The following CNNM1 variants were observed in gnomAD, a reference collection of about 807,000 sequenced individuals.
CNNM1 encodes the protein metal transporter CNNM1.
A neutral mutation model predicts 78.8 loss-of-function variants in CNNM1; 44 were observed. That is an observed-to-expected ratio of 0.56 (90% CI 0.44 to 0.72). The LOEUF is 0.72. Ranked by LOEUF, CNNM1 falls within the 30% of genes least tolerant of loss-of-function variation. The pLI is 0.00. For missense variants in CNNM1, 1,101 were observed against 1,292.2 expected (o/e 0.85, Z 2.27); for synonymous variants, 584 against 581.5 (o/e 1.00, Z -0.06).
At chr10:99,364,836 T>C in intron 5 of CNNM1, 119 bp from the exon 6 acceptor site, 1 of 944,888 alleles carries the variant, frequency 1.1e-6, no homozygotes, top group Non-Finnish European at 1.6e-6. Context: ...CCCTTCCATT[T>C]AATTGCCTGG....
intron 1 of CNNM1, among the ~76,000 whole-genome samples, chr10:99,342,303 T>TA (rs2030490550): frequency 6.6e-6 from 1 of 152,168 alleles, no homozygotes; most frequent in Non-Finnish European, 1.5e-5. Context: ...AGATAATGGG[T>TA]TGTTACTCTG....
intron 3 of CNNM1, 32 bp from the exon 4 acceptor site, chr10:99,362,195 T>C (rs773354925): frequency 1.9e-6 from 3 of 1,574,464 alleles, no homozygotes; most frequent in Admixed American, 1.8e-5. Flanking sequence ...CAGCTGATGC[T>C]GATTCCTCCC....
chr10:99,389,137 C>A (rs373262003), intron 9 of CNNM1, among the ~76,000 whole-genome samples: 4 of 152,070 alleles, frequency 2.6e-5, no homozygotes, highest in Non-Finnish European at 5.9e-5. Context: ...TAAAGTTGGC[C>A]GGGCACGGTG....
In CNNM1 at chr10:99,393,385, C is replaced by A. The variant is rs2032529088; in HGVS notation, c.*1869C>A. The A allele has an allele frequency of 6.6e-6, 1 of 152,620 alleles. No individual in the cohort carries two copies. Among genetic ancestry groups the A allele is most frequent in the Admixed American group, 6.5e-5 (1 of 15,276 alleles). 9.5% of individuals were successfully genotyped at this position (152,620 alleles called of 1,614,324 possible). On this transcript the variant is annotated 3_prime_UTR_variant, in exon 11 of 11. Transcript: ENST00000356713. ...TCACCCCAGGGGGTCCATAGTTGGA[C>A]TTCAGAGGGTCTATGAAACCCCTAA...
At chr10:99,362,077 G>A in intron 3 of CNNM1, 150 bp from the exon 4 acceptor site, 3 of 640,346 alleles carry the variant, frequency 4.7e-6, no homozygotes, top group Non-Finnish European at 7.7e-6. Context: ...CTCCACTCCG[G>A]AGGAACTGCA....
Position 99,329,990 on chromosome 10 carries a change from C to A in CNNM1, c.603C>A (p.Gly201=), listed in dbSNP as rs1262451149. The A allele has an allele frequency of 1.4e-6, 2 of 1,393,192 alleles. No individual in the cohort carries two copies. Among genetic ancestry groups the A allele is most frequent in the African/African-American group, 3.0e-5 (2 of 65,606 alleles). The allele number at this position is 1,393,192 out of a possible 1,614,324, so 86.3% of individuals were successfully genotyped here. A position where few individuals can be genotyped will look rare whatever the true frequency, so the allele number is the denominator to read the frequency against. Residue 201 remains glycine, a synonymous_variant, in exon 1 of 11, where the codon GGC becomes GGA. Coordinates refer to ENST00000356713, the MANE Select transcript of CNNM1 (RefSeq NM_020348.3). Reference sequence around the variant, plus strand: ...CGTGGCACCACCACGGCGCCGCCGGCGGCTTCCTGCTGCGCGTTCGCCCGC... The same window carrying A: ...CGTGGCACCACCACGGCGCCGCCGGAGGCTTCCTGCTGCGCGTTCGCCCGC... ...GRAWHHHGAA[G]GFLLRVRPRL...
intron 6 of CNNM1, among the ~76,000 whole-genome samples, chr10:99,367,887 AC>A (rs1303304464): frequency 2.0e-5 from 3 of 151,852 alleles, no homozygotes; most frequent in African/African-American, 4.8e-5. Context: ...TGTTATACAC[AC>A]TGAACTCTAC....
intron 1 of CNNM1, among the ~76,000 whole-genome samples, chr10:99,351,708 T>C (rs1232729497): frequency 2.6e-5 from 4 of 152,172 alleles, no homozygotes; most frequent in African/African-American, 4.8e-5. Flanking sequence ...CTCCCCTATT[T>C]CTTGTCTCCC....
At chr10:99,345,896 T>C (rs201069859) in intron 1 of CNNM1, among the ~76,000 whole-genome samples, 1 of 152,152 alleles carries the variant, frequency 6.6e-6, no homozygotes, top group East Asian at 1.9e-4. Flanking sequence ...GGTCTTACCA[T>C]GTTGCCCAGG....
rs1472264134 is a variant in CNNM1, at chr10:99,343,433, A to G, written c.1573+12473A>G. Among the ~76,000 whole-genome samples the G allele has an allele frequency of 8.5e-5, 13 of 152,352 alleles. No individual in the cohort carries two copies. The South Asian group carries it at 1.2e-3, about 15-fold the overall frequency. Reference sequence around the variant, plus strand: ...ATATAAACAAAATTTCCAGTTTAGTAATTCATTGTGTGCCCACCATAAATG... The same window carrying G: ...ATATAAACAAAATTTCCAGTTTAGTGATTCATTGTGTGCCCACCATAAATG... On this transcript the variant is annotated intron_variant, in intron 1 of 10. Transcript: ENST00000356713.
At chr10:99,358,973 T>A (rs968847179) in intron 2 of CNNM1, among the ~76,000 whole-genome samples, 2 of 114,762 alleles carry the variant, frequency 1.7e-5, no homozygotes, top group Non-Finnish European at 3.2e-5. Context: ...CACTCCAGCA[T>A]GGGAGCCTGG....
At chr10:99,342,863 A>G (rs2030514485) in intron 1 of CNNM1, among the ~76,000 whole-genome samples, 1 of 152,184 alleles carries the variant, frequency 6.6e-6, no homozygotes, top group South Asian at 2.1e-4. Flanking sequence ...TGTAAAACCA[A>G]ACTGTTTTGT....
At chr10:99,348,038 G>GTATA (rs1554938699) in intron 1 of CNNM1, among the ~76,000 whole-genome samples, 44 of 116,554 alleles carry the variant, frequency 3.8e-4, no homozygotes, top group South Asian at 1.3e-3. Context: ...GTGTGTGTGT[G>GTATA]TATATATATA....
intron 2 of CNNM1, among the ~76,000 whole-genome samples, chr10:99,358,263 A>C (rs1354554131): frequency 1.3e-5 from 2 of 151,256 alleles, no homozygotes; most frequent in Non-Finnish European, 2.9e-5. Context: ...GCCCCTCCTA[A>C]CTCCCTCACT....
intron 7 of CNNM1, among the ~76,000 whole-genome samples, chr10:99,384,959 C>T (rs1260939863): frequency 6.6e-6 from 1 of 151,502 alleles, no homozygotes; most frequent in East Asian, 1.9e-4. Context: ...GTCCCATCTA[C>T]TCAGGAGCCT....
intron 1 of CNNM1, among the ~76,000 whole-genome samples, chr10:99,345,137 G>C (rs912343900): frequency 1.3e-5 from 2 of 152,104 alleles, no homozygotes; most frequent in African/African-American, 4.8e-5. Context: ...CCAAGTCTCA[G>C]TTTCCTTATC....
At chr10:99,356,482 AAGAAAGAG>A (rs762261081) in intron 1 of CNNM1, among the ~76,000 whole-genome samples, 5 of 60,672 alleles carry the variant, frequency 8.2e-5, no homozygotes, top group Non-Finnish European at 1.7e-4. Flanking sequence ...CTCAGAAAGA[AAGAAAGAG>A]AGAGAGAGAG....
chr10:99,360,812 A>G (rs781431927), intron 2 of CNNM1, 23 bp from the exon 3 acceptor site: 2 of 1,581,816 alleles, frequency 1.3e-6, no homozygotes, highest in South Asian at 2.3e-5. Context: ...GATAGCTGTA[A>G]TCTGTCCTCT....
chr10:99,344,656 T>G (rs1048689648), intron 1 of CNNM1, among the ~76,000 whole-genome samples: 2 of 151,908 alleles, frequency 1.3e-5, no homozygotes, highest in Non-Finnish European at 2.9e-5. Flanking sequence ...GAATTCAGTT[T>G]CCTCCCCCAT....
Sources: gnomAD v4.1 joint callset for allele counts (sites outside exome capture counted in the v4.1 genomes callset) on GRCh38, gnomAD v4.1.1 for gene constraint, MANE v1.5 for transcripts, NCBI Gene and HGNC (gene_info 2026-07-23, HGNC 2026-07-21) for gene names.